PARD3B: variants seen among roughly 807,000 people sequenced by gnomAD.
PARD3B encodes par-3 family cell polarity regulator beta, also known as partitioning defective 3 homolog B.
In PARD3B, 103 loss-of-function variants were observed where a neutral mutation model predicts 130.2. The observed-to-expected ratio is 0.79, with a 90% confidence interval of 0.67 to 0.93. The LOEUF (loss-of-function observed/expected upper bound fraction) is 0.93. PARD3B is among the 40% of genes least tolerant of loss of function. The pLI, the probability that PARD3B is intolerant of heterozygous loss-of-function variation, is 0.00. For missense variants in PARD3B, 1,609 were observed against 1,499.2 expected (o/e 1.07, Z -1.21); for synonymous variants, 583 against 553.2 (o/e 1.05, Z -0.76).
At chr2:204,911,458 A>G (rs2047232748) in intron 2 of PARD3B, among the ~76,000 whole-genome samples, 1 of 152,220 alleles carries the variant, frequency 6.6e-6, no homozygotes, top group African/African-American at 2.4e-5. Flanking sequence ...TTTAGTTTAT[A>G]TATCATTTTC....
chr2:205,081,611 G>A (rs1701410988), intron 4 of PARD3B, among the ~76,000 whole-genome samples: 1 of 152,038 alleles, frequency 6.6e-6, no homozygotes, highest in African/African-American at 2.4e-5. Context: ...TTTTAATCAT[G>A]AAGAGTGTTA....
At chr2:205,523,234 T>TAC (rs2051168428) in intron 21 of PARD3B, among the ~76,000 whole-genome samples, 1 of 146,974 alleles carries the variant, frequency 6.8e-6, no homozygotes, top group East Asian at 2.0e-4. Flanking sequence ...TGTATATATA[T>TAC]ATATATATTT....
intron 2 of PARD3B, among the ~76,000 whole-genome samples, chr2:204,702,807 C>T (rs1354126507): frequency 6.6e-6 from 1 of 152,126 alleles, no homozygotes; most frequent in African/African-American, 2.4e-5. Flanking sequence ...AACTCATGAC[C>T]TCAGGTGATC....
chr2:205,338,541 A>T (rs954863666), intron 18 of PARD3B, among the ~76,000 whole-genome samples: 3 of 152,156 alleles, frequency 2.0e-5, no homozygotes, highest in Non-Finnish European at 4.4e-5. Flanking sequence ...TTTGACTTTT[A>T]CTGGGAGTAA....
chr2:205,054,774 C>T (rs1699530363), intron 4 of PARD3B, among the ~76,000 whole-genome samples: 1 of 151,972 alleles, frequency 6.6e-6, no homozygotes, highest in African/African-American at 2.4e-5. Flanking sequence ...TGGTTCCTGT[C>T]CTCAAGAAAC....
chr2:205,237,358 TC>T (rs2039113657), intron 15 of PARD3B, among the ~76,000 whole-genome samples: 1 of 152,190 alleles, frequency 6.6e-6, no homozygotes, highest in South Asian at 2.1e-4. Flanking sequence ...CGACTCGGCC[TC>T]CCAAAGTGTA....
intron 18 of PARD3B, among the ~76,000 whole-genome samples, chr2:205,328,256 C>A (rs1467289395): frequency 6.6e-6 from 1 of 152,098 alleles, no homozygotes; most frequent in African/African-American, 2.4e-5. Context: ...CCATTTATTG[C>A]ATTATGAGAT....
chr2:204,885,757 A>T (rs180734633), intron 2 of PARD3B, among the ~76,000 whole-genome samples: 1 of 152,220 alleles, frequency 6.6e-6, no homozygotes, highest in Non-Finnish European at 1.5e-5. Flanking sequence ...TTGGGGGCCT[A>T]TATGTCCAGT....
intron 2 of PARD3B, among the ~76,000 whole-genome samples, chr2:204,824,637 G>A (rs1313245855): frequency 1.3e-5 from 2 of 152,146 alleles, no homozygotes; most frequent in Non-Finnish European, 2.9e-5. Flanking sequence ...AGGAGGCCAG[G>A]GAGAGAGTAG....
At chr2:205,536,227 A>G (rs992627939) in intron 21 of PARD3B, among the ~76,000 whole-genome samples, 3 of 150,310 alleles carry the variant, frequency 2.0e-5, no homozygotes, top group African/African-American at 7.3e-5. Flanking sequence ...GTTGTGTGCT[A>G]TTGGAAATGA....
rs148578623 is a variant in PARD3B, at chr2:205,190,566, C to A, written c.2025-2639C>A. On this transcript the variant is annotated intron_variant, in intron 14 of 22. Transcript: ENST00000406610. ...GCAACAACCTGTGTCCCAGGCTGGC[C>A]ACCATTTCAGCCAGATCTTCTGGCT... 6.6e-3 allele frequency among the ~76,000 whole-genome samples: 1,004 copies of A among 152,304 alleles called. 9 individuals are homozygous for A. Among genetic ancestry groups the A allele is most frequent in the African/African-American group, 0.022 (934 of 41,574 alleles).
chr2:204,867,898 A>C (rs2045487898), intron 2 of PARD3B, among the ~76,000 whole-genome samples: 1 of 152,176 alleles, frequency 6.6e-6, no homozygotes, highest in Admixed American at 6.5e-5. Context: ...GAAATATTGA[A>C]ACTGACTAAC....
chr2:205,308,618 A>AAAAG (rs1276327562), intron 18 of PARD3B, among the ~76,000 whole-genome samples: 1 of 151,034 alleles, frequency 6.6e-6, no homozygotes, highest in African/African-American at 2.4e-5. Context: ...AAAAAAAAAA[A>AAAAG]ACCAAACAAC....
At chr2:204,737,592 C>G (rs947874316) in intron 2 of PARD3B, among the ~76,000 whole-genome samples, 1 of 151,984 alleles carries the variant, frequency 6.6e-6, no homozygotes, top group Non-Finnish European at 1.5e-5. Flanking sequence ...TAATTTGGTT[C>G]CATTTATTTG....
chr2:204,868,139 G>A (rs2045496996), intron 2 of PARD3B, among the ~76,000 whole-genome samples: 1 of 152,130 alleles, frequency 6.6e-6, no homozygotes, highest in South Asian at 2.1e-4. Context: ...ACTTCATACA[G>A]GTCTCTACAA....
intron 3 of PARD3B, among the ~76,000 whole-genome samples, chr2:204,994,255 G>A (rs1446028516): frequency 8.4e-5 from 10 of 119,152 alleles, no homozygotes; most frequent in South Asian, 7.4e-4. Flanking sequence ...CTTTGAATGC[G>A]TCCCAGAGAT....
intron 2 of PARD3B, among the ~76,000 whole-genome samples, chr2:204,892,801 G>A (rs1200905258): frequency 6.6e-6 from 1 of 152,156 alleles, no homozygotes; most frequent in Admixed American, 6.6e-5. Flanking sequence ...CAAGAAGGGA[G>A]TCCTTTTCTT....
chr2:205,148,479 A>C (rs2125689488), intron 10 of PARD3B, among the ~76,000 whole-genome samples: 1 of 152,244 alleles, frequency 6.6e-6, no homozygotes, highest in South Asian at 2.1e-4. Context: ...TTGGCCAAAA[A>C]CCTTTCATGC....
intron 2 of PARD3B, among the ~76,000 whole-genome samples, chr2:204,870,630 G>T (rs1337141534): frequency 1.3e-5 from 2 of 152,150 alleles, no homozygotes; most frequent in Admixed American, 6.6e-5. Flanking sequence ...GACACATGTT[G>T]AAGAGTTTGC....
Sources: gnomAD v4.1 joint callset for allele counts (sites outside exome capture counted in the v4.1 genomes callset) on GRCh38, gnomAD v4.1.1 for gene constraint, MANE v1.5 for transcripts, NCBI Gene and HGNC (gene_info 2026-07-23, HGNC 2026-07-21) for gene names.